The following ST6GALNAC3 variants were observed in gnomAD, a reference collection of about 807,000 sequenced individuals.
ST6GALNAC3 encodes ST6 N-acetylgalactosaminide alpha-2,6-sialyltransferase 3.
In ST6GALNAC3, 25 loss-of-function variants were observed where a neutral mutation model predicts 32.7. The observed-to-expected ratio is 0.76, with a 90% CI of 0.56 to 1.07. ST6GALNAC3 has a LOEUF of 1.07. Among genes scored for constraint, ST6GALNAC3 ranks in the 50% least tolerant of loss-of-function variants. ST6GALNAC3 has a pLI of 0.00. For synonymous variants in ST6GALNAC3, 129 were observed against 133.1 expected, an observed-to-expected ratio of 0.97 and a Z score of 0.21; for missense variants, 355 against 382.4, an observed-to-expected ratio of 0.93 and a Z score of 0.60.
intron 1 of ST6GALNAC3, among the ~76,000 whole-genome samples, chr1:76,091,239 G>A (rs1421525987): frequency 6.6e-6 from 1 of 152,192 alleles, no homozygotes; most frequent in African/African-American, 2.4e-5. Context: ...GCTAATAAAA[G>A]TAAAATATTC....
intron 1 of ST6GALNAC3, among the ~76,000 whole-genome samples, chr1:76,125,024 G>A (rs1486634301): frequency 6.6e-6 from 1 of 152,012 alleles, no homozygotes; most frequent in Non-Finnish European, 1.5e-5. Context: ...TGGATCTATT[G>A]GGTTAAGAAA....
intron 3 of ST6GALNAC3, among the ~76,000 whole-genome samples, chr1:76,524,803 G>T (rs1369182920): frequency 6.6e-6 from 1 of 151,086 alleles, no homozygotes. Context: ...CTAGCTTCTG[G>T]GATTTTTGAG....
intron 1 of ST6GALNAC3, among the ~76,000 whole-genome samples, chr1:76,154,070 A>T (rs903004151): frequency 9.9e-5 from 15 of 152,120 alleles, no homozygotes; most frequent in Admixed American, 4.6e-4. Flanking sequence ...ATCAGGAGAG[A>T]CATGAAACCC....
At chr1:76,343,294 A>T (rs141074303) in intron 2 of ST6GALNAC3, among the ~76,000 whole-genome samples, 260 of 152,312 alleles carry the variant, frequency 1.7e-3, no homozygotes, top group African/African-American at 5.7e-3. Context: ...TTAGACTCAT[A>T]GTAACAAAAG....
intron 3 of ST6GALNAC3, among the ~76,000 whole-genome samples, chr1:76,506,895 G>A (rs1026956488): frequency 6.6e-6 from 1 of 152,192 alleles, no homozygotes. Context: ...GTGGAGTGGA[G>A]CCTTGGAGCA....
At chr1:76,366,794 G>A (rs1479115817) in intron 2 of ST6GALNAC3, among the ~76,000 whole-genome samples, 4 of 152,180 alleles carry the variant, frequency 2.6e-5, no homozygotes, top group African/African-American at 9.6e-5. Context: ...CATAAGATTT[G>A]AAAGCCAGCA....
chr1:76,332,710 C>T (rs150698332), intron 2 of ST6GALNAC3, among the ~76,000 whole-genome samples: 1 of 152,280 alleles, frequency 6.6e-6, no homozygotes, highest in Admixed American at 6.5e-5. Context: ...TATCTGCCCA[C>T]CTCTCAGGCC....
At chr1:76,212,278 C>T (rs1655210161) in intron 1 of ST6GALNAC3, among the ~76,000 whole-genome samples, 1 of 152,056 alleles carries the variant, frequency 6.6e-6, no homozygotes, top group Non-Finnish European at 1.5e-5. Context: ...AACTGCTCCC[C>T]TATGTTAAGT....
chr1:76,226,169 T>C (rs1281232564), intron 1 of ST6GALNAC3, among the ~76,000 whole-genome samples: 1 of 152,204 alleles, frequency 6.6e-6, no homozygotes, highest in Non-Finnish European at 1.5e-5. Context: ...TTTTCCTTCT[T>C]GTCTGGCAGA....
chr1:76,496,676 C>A (rs1214100226), intron 3 of ST6GALNAC3, among the ~76,000 whole-genome samples: 1 of 152,140 alleles, frequency 6.6e-6, no homozygotes, highest in Non-Finnish European at 1.5e-5. Context: ...AAAAGGTTTG[C>A]TTTCCTGTGG....
chr1:76,248,886 C>T (rs1462248695), intron 1 of ST6GALNAC3, among the ~76,000 whole-genome samples: 1 of 152,106 alleles, frequency 6.6e-6, no homozygotes, highest in African/African-American at 2.4e-5. Context: ...TTTGTGGCCA[C>T]CTAGAAACCA....
intron 2 of ST6GALNAC3, among the ~76,000 whole-genome samples, chr1:76,348,050 A>G (rs550625538): frequency 6.6e-6 from 1 of 152,336 alleles, no homozygotes; most frequent in Admixed American, 6.5e-5. Flanking sequence ...TAATACGACA[A>G]CTGTTTTTCG....
intron 1 of ST6GALNAC3, among the ~76,000 whole-genome samples, chr1:76,153,076 A>G (rs1180033395): frequency 2.6e-5 from 4 of 152,116 alleles, no homozygotes; most frequent in Admixed American, 6.5e-5. Context: ...TGGGAAGACC[A>G]TTTTTGCTCC....
intron 3 of ST6GALNAC3, among the ~76,000 whole-genome samples, chr1:76,529,054 C>A (rs764729166): frequency 1.3e-5 from 2 of 151,848 alleles, no homozygotes; most frequent in African/African-American, 4.8e-5. Context: ...GATCTGTGTG[C>A]AGGCATCACC....
rs559427643 is a variant in ST6GALNAC3 at position 76,271,288 on chromosome 1, A to C, written c.19-42517A>C. Among the ~76,000 whole-genome samples, 77 of 152,370 alleles carry C rather than the reference A, an allele frequency of 5.1e-4. 1 individual carries two copies. The South Asian group carries it at 8.7e-3, about 17-fold the overall frequency. On this transcript the variant is annotated intron_variant, in intron 1 of 4. Transcript: ENST00000328299. ...GGTTTGCTGTAATGGAACAGCTTCC[A>C]GAAGAGAATCCGGTCTCCGTTTTGA...
At position 76,354,411 on chromosome 1, in the gene ST6GALNAC3, A is replaced by G. The variant is rs988328275; in HGVS notation, c.213+40412A>G. 3.9e-5 allele frequency among the ~76,000 whole-genome samples: 6 copies of G among 152,186 alleles called. No homozygotes were observed. In the South Asian group the frequency reaches 8.3e-4, roughly 21 times the overall value. On this transcript the variant is annotated intron_variant, in intron 2 of 4. Transcript: ENST00000328299. ...AAAAAAGAGACCTGTTTCTTCATTC[A>G]CAATGCACATGTTCTCAGTACCTGG...
intron 3 of ST6GALNAC3, among the ~76,000 whole-genome samples, chr1:76,582,434 T>C (rs781529612): frequency 5.9e-5 from 9 of 152,116 alleles, no homozygotes; most frequent in Non-Finnish European, 1.3e-4. Flanking sequence ...GGAAATCACA[T>C]AGTGTCACTT....
intron 1 of ST6GALNAC3, among the ~76,000 whole-genome samples, chr1:76,193,791 T>C (rs1010271631): frequency 1.3e-5 from 2 of 152,164 alleles, no homozygotes; most frequent in African/African-American, 4.8e-5. Flanking sequence ...AGAAGTTCAA[T>C]ATCAAGGGTC....
chr1:76,264,058 T>C lies in ST6GALNAC3; in HGVS notation c.19-49747T>C, dbSNP rs547516325. Among the ~76,000 whole-genome samples, 64 of 152,298 alleles carry C rather than the reference T, an allele frequency of 4.2e-4. No individual in the cohort carries two copies. The South Asian group carries it at 0.013, about 30-fold the overall frequency. On this transcript the variant is annotated intron_variant, in intron 1 of 4. Coordinates refer to ENST00000328299, the MANE Select transcript of ST6GALNAC3 (RefSeq NM_152996.4). ...TAAGACATTCACCGTTATTATTTTGTACAATATACAGAAACAATTGTCTAC... is the reference window on the plus strand; with the variant it reads ...TAAGACATTCACCGTTATTATTTTGCACAATATACAGAAACAATTGTCTAC...
Sources: allele counts gnomAD v4.1 joint callset (sites outside exome capture counted in the v4.1 genomes callset), GRCh38; gene constraint gnomAD v4.1.1; transcripts MANE v1.5; gene names NCBI Gene and HGNC (gene_info 2026-07-23, HGNC 2026-07-21).